Variants in KIRREL1 observed in about 807,000 individuals in gnomAD.
KIRREL1 encodes the protein kirre like nephrin family adhesion molecule 1.
Under a neutral mutation model 83.3 loss-of-function variants are expected in KIRREL1, and 25 were observed. That is an observed-to-expected ratio of 0.30 (90% CI 0.22 to 0.42). The LOEUF is 0.42. KIRREL1 is among the 10% of genes least tolerant of loss of function. The probability of loss-of-function intolerance (pLI) is 1.00; values close to 1 mark genes in which losing one functional copy is unlikely to be tolerated. For synonymous variants in KIRREL1, 388 were observed against 410.4 expected (o/e 0.95, Z 0.66); for missense variants, 812 against 1,032.3 (o/e 0.79, Z 2.92).
chr1:158,029,806 T>C (rs1660274051), intron 1 of KIRREL1, among the ~76,000 whole-genome samples: 1 of 152,234 alleles, frequency 6.6e-6, no homozygotes, highest in Admixed American at 6.5e-5. Flanking sequence ...AAATTATCTC[T>C]ACCTTGCAGG....
chr1:158,074,003 C>T (rs369758812), intron 1 of KIRREL1, among the ~76,000 whole-genome samples: 3 of 152,156 alleles, frequency 2.0e-5, no homozygotes, highest in African/African-American at 4.8e-5. Context: ...GAAGGAGAAA[C>T]GTGAGTGTGG....
At chr1:158,054,019 T>A (rs1455983837) in intron 1 of KIRREL1, among the ~76,000 whole-genome samples, 2 of 151,766 alleles carry the variant, frequency 1.3e-5, no homozygotes, top group Admixed American at 6.6e-5. Context: ...CAGACCAGCC[T>A]GACCAACTTG....
intron 2 of KIRREL1, among the ~76,000 whole-genome samples, chr1:158,076,656 G>A (rs1661690178): frequency 6.6e-6 from 1 of 152,144 alleles, no homozygotes; most frequent in Non-Finnish European, 1.5e-5. Flanking sequence ...TGTCCCGCAA[G>A]TGTCTCATGC....
At chr1:158,049,918 C>T (rs1660868944) in intron 1 of KIRREL1, among the ~76,000 whole-genome samples, 1 of 151,996 alleles carries the variant, frequency 6.6e-6, no homozygotes. Flanking sequence ...AACCATGGAC[C>T]CTCAGTGAAT....
chr1:158,087,635 C>G, intron 5 of KIRREL1, 120 bp from the exon 6 acceptor site: 1 of 678,470 alleles, frequency 1.5e-6, no homozygotes, highest in Non-Finnish European at 2.5e-6. Context: ...AGCCGATACA[C>G]TGCAACCTCA....
chr1:158,017,202 C>T (rs1396214128), intron 1 of KIRREL1, among the ~76,000 whole-genome samples: 1 of 152,168 alleles, frequency 6.6e-6, no homozygotes, highest in African/African-American at 2.4e-5. Flanking sequence ...GCAAGTTCTC[C>T]TCATTTTCCT....
At chr1:158,057,034 C>T (rs566905694) in intron 1 of KIRREL1, among the ~76,000 whole-genome samples, 11 of 152,312 alleles carry the variant, frequency 7.2e-5, no homozygotes, top group Non-Finnish European at 1.5e-4. Flanking sequence ...AGGACCCCAG[C>T]ATTCCTTCCT....
At chr1:158,064,060 T>C (rs1661298082) in intron 1 of KIRREL1, among the ~76,000 whole-genome samples, 1 of 152,254 alleles carries the variant, frequency 6.6e-6, no homozygotes, top group Admixed American at 6.5e-5. Context: ...TGGTGTTTTA[T>C]ACATTCATCC....
intron 1 of KIRREL1, among the ~76,000 whole-genome samples, chr1:158,057,358 A>G (rs769885768): frequency 2.0e-5 from 3 of 152,102 alleles, no homozygotes; most frequent in Non-Finnish European, 2.9e-5. Flanking sequence ...CTAACCCTTT[A>G]GGGCCCTTGA....
At chr1:157,994,907 G>A (rs1659152686) in intron 1 of KIRREL1, among the ~76,000 whole-genome samples, 1 of 152,068 alleles carries the variant, frequency 6.6e-6, no homozygotes, top group Non-Finnish European at 1.5e-5. Flanking sequence ...TCATCCACCC[G>A]AACGTTACAA....
At chr1:158,067,667 GA>G (rs769798671) in intron 1 of KIRREL1, among the ~76,000 whole-genome samples, 2 of 152,330 alleles carry the variant, frequency 1.3e-5, no homozygotes, top group East Asian at 3.9e-4. Flanking sequence ...GCAGAGCCAG[GA>G]CCAGACAAGC....
At chr1:158,039,488 C>T (rs1303485842) in intron 1 of KIRREL1, among the ~76,000 whole-genome samples, 1 of 152,116 alleles carries the variant, frequency 6.6e-6, no homozygotes, top group Non-Finnish European at 1.5e-5. Flanking sequence ...ACAAAAGCAG[C>T]AAAGGCTGAG....
intron 1 of KIRREL1, among the ~76,000 whole-genome samples, chr1:158,051,306 A>G (rs1660904932): frequency 1.3e-5 from 2 of 152,214 alleles, no homozygotes; most frequent in Admixed American, 6.5e-5. Flanking sequence ...GGGCAGATAC[A>G]AGAACCCTGA....
At chr1:158,042,657 T>G (rs2101580924) in intron 1 of KIRREL1, among the ~76,000 whole-genome samples, 1 of 152,202 alleles carries the variant, frequency 6.6e-6, no homozygotes, top group Non-Finnish European at 1.5e-5. Flanking sequence ...CACAACAACC[T>G]GAGGTAGGTA....
chr1:158,065,846 T>G (rs1473806053), intron 1 of KIRREL1, among the ~76,000 whole-genome samples: 1 of 152,152 alleles, frequency 6.6e-6, no homozygotes, highest in Non-Finnish European at 1.5e-5. Flanking sequence ...GCCTGCCCTC[T>G]TTCCCCTCAG....
intron 11 of KIRREL1, 67 bp from the exon 12 acceptor site, chr1:158,093,272 C>T (rs964022747): frequency 1.3e-5 from 17 of 1,354,446 alleles, no homozygotes; most frequent in South Asian, 3.6e-5. Flanking sequence ...AGCCTTTAGC[C>T]AGCACTGAGC....
chr1:158,052,803 G>A (rs1267333414), intron 1 of KIRREL1, among the ~76,000 whole-genome samples: 1 of 151,996 alleles, frequency 6.6e-6, no homozygotes, highest in Non-Finnish European at 1.5e-5. Context: ...AAGAGAGAGA[G>A]ATTTATTTGG....
chr1:158,018,646 G>T (rs1659907992), intron 1 of KIRREL1, among the ~76,000 whole-genome samples: 1 of 152,118 alleles, frequency 6.6e-6, no homozygotes, highest in Non-Finnish European at 1.5e-5. Context: ...TGTCAAGAAT[G>T]GGACTGCTAG....
At chr1:158,093,252 G>C in intron 11 of KIRREL1, 87 bp from the exon 12 acceptor site, 2 of 1,097,512 alleles carry the variant, frequency 1.8e-6, no homozygotes, top group South Asian at 1.3e-5. Flanking sequence ...TGCCTCTGTG[G>C]CTGTGGCCTA....
Sources: allele counts gnomAD v4.1 joint callset (sites outside exome capture counted in the v4.1 genomes callset), GRCh38; gene constraint gnomAD v4.1.1; transcripts MANE v1.5; gene names NCBI Gene and HGNC (gene_info 2026-07-23, HGNC 2026-07-21).